Variants in MYO9B observed in about 807,000 individuals in gnomAD.
MYO9B encodes unconventional myosin-IXb.
Under a neutral mutation model 229.5 loss-of-function variants are expected in MYO9B, and 71 were observed. The observed-to-expected ratio is 0.31, with a 90% CI of 0.26 to 0.38. The LOEUF (loss-of-function observed/expected upper bound fraction) is 0.38, where lower values mean the gene tolerates loss of function less well. Ranked by LOEUF, MYO9B falls within the 10% of genes least tolerant of loss-of-function variation. The probability of loss-of-function intolerance (pLI) is 1.00; values close to 1 mark genes in which losing one functional copy is unlikely to be tolerated. For synonymous variants in MYO9B, 1,185 were observed against 1,235.8 expected, an observed-to-expected ratio of 0.96 and a Z score of 0.86; for missense variants, 2,255 against 2,920.5, an observed-to-expected ratio of 0.77 and a Z score of 5.25.
At chr19:17,174,083 T>G (rs2072755624) in intron 13 of MYO9B, among the ~76,000 whole-genome samples, 1 of 132,274 alleles carries the variant, frequency 7.6e-6, no homozygotes, top group African/African-American at 2.9e-5. Context: ...CAGGCTGGAG[T>G]GCAGTGGCGC....
chr19:17,123,953 T>C (rs1303020983), intron 2 of MYO9B, among the ~76,000 whole-genome samples: 2 of 152,242 alleles, frequency 1.3e-5, no homozygotes, highest in Admixed American at 1.3e-4. Flanking sequence ...TGGTGCAGTC[T>C]TGGCTTACTG....
chr19:17,175,692 C>G lies in MYO9B; in HGVS notation c.2170C>G (p.Pro724Ala). Residue 724 changes from proline (P) to alanine (A), a missense_variant, in exon 14 of 40, where the codon CCA (proline) becomes GCA (alanine). Coordinates refer to ENST00000682292, the MANE Select transcript of MYO9B (RefSeq NM_004145.4). ...GAGCAGCCCTGGTGCCCAAAGTCAC[C>G]CAGAAGAGCTGCCAAGAGGAGCCAG... ...GMSSPGAQSH[P>A]EELPRGASTP... is the part of the protein sequence containing the mutation. The G allele has an allele frequency of 1.3e-6, 2 of 1,575,318 alleles. No individual in the cohort carries two copies. Among genetic ancestry groups the G allele is most frequent in the Non-Finnish European group, 1.7e-6 (2 of 1,160,926 alleles).
intron 10 of MYO9B, 56 bp downstream of exon 10, chr19:17,163,178 G>A (rs2072623051): frequency 1.3e-6 from 2 of 1,507,970 alleles, no homozygotes; most frequent in African/African-American, 1.4e-5. Context: ...GACATCACGT[G>A]AAATTTACCA....
chr19:17,193,166 G>A lies in MYO9B; in HGVS notation c.3128+104G>A, dbSNP rs1414300566. 5 of 1,257,844 alleles carry A rather than the reference G, an allele frequency of 4.0e-6. No individual in the cohort carries two copies. Among genetic ancestry groups the A allele is most frequent in the Admixed American group, 3.2e-5 (1 of 30,838 alleles). 77.9% of individuals were successfully genotyped at this position (1,257,844 alleles called of 1,614,324 possible). ...ACCATCTGGCCTGTGGCACTAAGGG[G>A]ATGTCATTCTGGACACAGGGAAAGG... On this transcript the variant is annotated intron_variant, in intron 21 of 39. Transcript: ENST00000682292. The surrounding 1 kb of genome is among the most constrained non-coding windows in gnomAD (Gnocchi z 4.3).
chr19:17,210,521 C>T, intron 37 of MYO9B, 141 bp downstream of exon 37: 1 of 1,252,680 alleles, frequency 8.0e-7, no homozygotes, highest in South Asian at 1.6e-5. Flanking sequence ...GGCCCCTTGC[C>T]TGCTGACCTT....
intron 1 of MYO9B, chr19:17,099,168 G>C (rs527334330): frequency 6.6e-6 from 1 of 151,670 alleles, no homozygotes. Context: ...CCAGCTACTC[G>C]GGAGGCTGAG....
chr19:17,091,128 T>C (rs182998614), intron 1 of MYO9B, among the ~76,000 whole-genome samples: 1 of 152,314 alleles, frequency 6.6e-6, no homozygotes, highest in Admixed American at 6.5e-5. Context: ...CCATGTGTAG[T>C]ATTTAACAAA....
intron 10 of MYO9B, 23 bp from the exon 11 acceptor site, chr19:17,167,920 C>A (rs370981886): frequency 3.9e-6 from 6 of 1,552,506 alleles, no homozygotes; most frequent in Non-Finnish European, 5.2e-6. Context: ...AAGAAACTTA[C>A]CGACCCCGCG....
intron 2 of MYO9B, among the ~76,000 whole-genome samples, chr19:17,144,133 T>C (rs78206672): frequency 0.034 from 5,114 of 151,664 alleles, 285 homozygotes; most frequent in African/African-American, 0.11. Context: ...GAAGGATCCC[T>C]TGAGCCTGGG....
chr19:17,094,891 C>T (rs2057673308), intron 1 of MYO9B, among the ~76,000 whole-genome samples: 1 of 151,944 alleles, frequency 6.6e-6, no homozygotes, highest in Non-Finnish European at 1.5e-5. Flanking sequence ...TGCAGTGAGC[C>T]ACAATTGCAC....
chr19:17,123,442 G>GTA (rs2057984617), intron 2 of MYO9B, among the ~76,000 whole-genome samples: 1 of 151,892 alleles, frequency 6.6e-6, no homozygotes, highest in African/African-American at 2.4e-5. Context: ...GTGTGTGTGT[G>GTA]TGTGTGTGTG....
At chr19:17,111,126 G>A (rs879808101) in intron 2 of MYO9B, among the ~76,000 whole-genome samples, 18 of 152,112 alleles carry the variant, frequency 1.2e-4, no homozygotes, top group Admixed American at 8.5e-4. Flanking sequence ...TGAGTCTGTC[G>A]GGCAAGACAC....
chr19:17,211,045 G>C (rs921042185), intron 38 of MYO9B, among the ~76,000 whole-genome samples, 197 bp downstream of exon 38: 2 of 141,220 alleles, frequency 1.4e-5, no homozygotes, highest in Non-Finnish European at 3.0e-5. Flanking sequence ...GTGCAGTGGT[G>C]CTATCTCGGC....
intron 1 of MYO9B, among the ~76,000 whole-genome samples, chr19:17,085,587 G>T (rs1256923121): frequency 6.6e-6 from 1 of 152,048 alleles, no homozygotes; most frequent in Admixed American, 6.6e-5. Flanking sequence ...TCTTTGGGAG[G>T]CTGAGGCAGG....
intron 2 of MYO9B, among the ~76,000 whole-genome samples, chr19:17,126,005 C>T (rs941129036): frequency 1.3e-5 from 2 of 152,156 alleles, no homozygotes; most frequent in African/African-American, 4.8e-5. Flanking sequence ...TCTTGCACCA[C>T]ATAGCTGCCT....
intron 19 of MYO9B, among the ~76,000 whole-genome samples, chr19:17,190,697 C>T (rs1013853959): frequency 6.6e-6 from 1 of 151,212 alleles, no homozygotes; most frequent in African/African-American, 2.4e-5. Context: ...CTCTCTCTGT[C>T]GCCCAGGCTG....
chr19:17,095,278 T>C (rs1195935347), intron 1 of MYO9B: 3 of 152,144 alleles, frequency 2.0e-5, no homozygotes, highest in African/African-American at 7.2e-5. Context: ...TTCACCGTGT[T>C]GTGCAACGAC....
intron 2 of MYO9B, among the ~76,000 whole-genome samples, chr19:17,115,394 CT>C (rs1027538490): frequency 2.0e-5 from 3 of 151,558 alleles, no homozygotes; most frequent in African/African-American, 7.3e-5. Flanking sequence ...ATTTTTTTTC[CT>C]TTGTCTACCC....
chr19:17,177,285 G>GT (rs2072800967), intron 14 of MYO9B, among the ~76,000 whole-genome samples: 1 of 141,270 alleles, frequency 7.1e-6, no homozygotes, highest in Non-Finnish European at 1.6e-5. Flanking sequence ...TTTGTTTGTT[G>GT]GTTTTTTTTT....
Sources: gnomAD v4.1 joint callset for allele counts (sites outside exome capture counted in the v4.1 genomes callset) on GRCh38, gnomAD v4.1.1 for gene constraint, Gnocchi (gnomAD v3.1) non-coding constraint, MANE v1.5 for transcripts, NCBI Gene and HGNC (gene_info 2026-07-23, HGNC 2026-07-21) for gene names.